Variants in IL31RA observed in about 807,000 individuals in gnomAD.
IL31RA encodes interleukin-31 receptor subunit alpha.
Under a neutral mutation model 83.7 loss-of-function variants are expected in IL31RA, and 66 were observed. That is an observed-to-expected ratio of 0.79 (90% CI 0.65 to 0.97). IL31RA has a LOEUF of 0.97. Ranked by LOEUF, IL31RA falls within the 50% of genes least tolerant of loss-of-function variation. IL31RA has a pLI of 0.00. For missense variants in IL31RA, 798 were observed against 919.4 expected (o/e 0.87, Z 1.71); for synonymous variants, 325 against 329.0 (o/e 0.99, Z 0.13).
In IL31RA at chr5:55,851,464, T is replaced by A; in HGVS notation, c.-107T>A. On this transcript the variant is annotated 5_prime_UTR_variant, in exon 1 of 15. Coordinates refer to ENST00000652347, the MANE Select transcript of IL31RA (RefSeq NM_139017.7). ...AAAGGCAAAAAATTGCAAAAAAAAA[T>A]AGTAATAACCAGCATGGCACTAAAT... The A allele has an allele frequency of 6.2e-7, 1 of 1,601,748 alleles. No individual in the cohort carries two copies. Among genetic ancestry groups the A allele is most frequent in the South Asian group, 1.1e-5 (1 of 90,202 alleles).
intron 2 of IL31RA, 30 bp downstream of exon 2, chr5:55,859,629 A>G (rs1285050522): frequency 2.8e-6 from 4 of 1,417,882 alleles, no homozygotes; most frequent in Non-Finnish European, 2.0e-6. Context: ...TTTACAGATC[A>G]TGTGATTATT....
chr5:55,863,566 T>G (rs566423432), intron 2 of IL31RA, among the ~76,000 whole-genome samples: 1 of 152,232 alleles, frequency 6.6e-6, no homozygotes, highest in Non-Finnish European at 1.5e-5. Flanking sequence ...GCAAATCCCA[T>G]GGCCACCCTA....
At position 55,917,200 on chromosome 5, in the gene IL31RA, C is replaced by A; in HGVS notation, c.*80C>A. 1 of 1,605,234 alleles carries A rather than the reference C, an allele frequency of 6.2e-7. No homozygotes were observed. Among genetic ancestry groups the A allele is most frequent in the African/African-American group, 1.3e-5 (1 of 74,966 alleles). ...GAAGATGTCAAGACTCGGCACGCAG[C>A]GCTTGCTTGGCCCTGCCACATCCTG... On this transcript the variant is annotated 3_prime_UTR_variant, in exon 15 of 15. Coordinates refer to ENST00000652347, the MANE Select transcript of IL31RA (RefSeq NM_139017.7).
intron 4 of IL31RA, among the ~76,000 whole-genome samples, chr5:55,881,289 A>G (rs1036910901): frequency 6.7e-4 from 94 of 141,018 alleles, no homozygotes; most frequent in African/African-American, 2.5e-3. Context: ...GTGACAGAGC[A>G]AGGCTCCATC....
At chr5:55,874,902 T>C (rs1746742234) in intron 4 of IL31RA, among the ~76,000 whole-genome samples, 1 of 152,156 alleles carries the variant, frequency 6.6e-6, no homozygotes, top group Non-Finnish European at 1.5e-5. Flanking sequence ...TTTAGTATAG[T>C]GTTGAATAGA....
At chr5:55,874,634 A>G (rs1436041537) in intron 4 of IL31RA, among the ~76,000 whole-genome samples, 1 of 152,092 alleles carries the variant, frequency 6.6e-6, no homozygotes, top group Non-Finnish European at 1.5e-5. Flanking sequence ...TTTAAATGCT[A>G]TTGTAAATGG....
intron 4 of IL31RA, among the ~76,000 whole-genome samples, chr5:55,873,993 T>C (rs936051036): frequency 8.5e-5 from 13 of 152,212 alleles, no homozygotes; most frequent in South Asian, 2.1e-4. Context: ...ACTGCTGTAG[T>C]TTTTTCTAAG....
At chr5:55,906,369 C>T (rs1020319423) in intron 9 of IL31RA, 81 bp downstream of exon 9, 2 of 1,341,534 alleles carry the variant, frequency 1.5e-6, no homozygotes, top group Non-Finnish European at 2.1e-6. Flanking sequence ...TTAACTTTGG[C>T]TTCAAAGCTG....
chr5:55,902,403 C>T (rs181354887), intron 8 of IL31RA: 5 of 147,294 alleles, frequency 3.4e-5, no homozygotes, highest in Admixed American at 1.4e-4. Context: ...ACGGGTGGAT[C>T]GCTGAGTTCA....
intron 2 of IL31RA, among the ~76,000 whole-genome samples, chr5:55,868,419 T>G (rs1746317679): frequency 6.6e-6 from 1 of 152,252 alleles, no homozygotes; most frequent in South Asian, 2.1e-4. Context: ...TTCTTGCTTA[T>G]GCCCACATCA....
chr5:55,855,652 G>A (rs1745314830), intron 1 of IL31RA, among the ~76,000 whole-genome samples: 3 of 152,192 alleles, frequency 2.0e-5, no homozygotes, highest in Admixed American at 6.5e-5. Flanking sequence ...GAGTAAAACA[G>A]CCACACTCTA....
At chr5:55,882,965 T>G in intron 4 of IL31RA, 79 bp from the exon 5 acceptor site, 4 of 1,359,878 alleles carry the variant, frequency 2.9e-6, no homozygotes, top group Non-Finnish European at 4.2e-6. Flanking sequence ...CGTATCATTT[T>G]TTTTCAATTT....
In IL31RA at chr5:55,910,567, C is replaced by T; in HGVS notation, c.1537C>T (p.Leu513=). 1 of 1,614,184 alleles carries T rather than the reference C, an allele frequency of 6.2e-7. No homozygotes were observed. Residue 513 remains leucine (L), a synonymous_variant, in exon 12 of 15, where the codon CTG becomes TTG. Coordinates refer to ENST00000652347, the MANE Select transcript of IL31RA (RefSeq NM_139017.7). ...CAATTCCAGCATCTTGCAGTACGGC[C>T]TGGAGTCCCTGAAACGAAAGACCTC... is the stretch of plus-strand genomic sequence containing the variant. The part of the protein sequence containing the change: ...TVNSSILQYG[L]ESLKRKTSYI...
the IL31RA span, among the ~76,000 whole-genome samples, chr5:55,846,022 C>A: frequency 1.3e-5 from 2 of 152,104 alleles, no homozygotes; most frequent in African/African-American, 4.8e-5. Flanking sequence ...TATACTTGTC[C>A]ACACTGAGCC....
chr5:55,857,152 G>A (rs187790150), intron 1 of IL31RA, among the ~76,000 whole-genome samples: 2 of 151,190 alleles, frequency 1.3e-5, no homozygotes, highest in East Asian at 3.9e-4. Flanking sequence ...AGGCTGAAGT[G>A]CAGTCATGAG....
At chr5:55,911,397 A>C (rs1749492957) in intron 12 of IL31RA, among the ~76,000 whole-genome samples, 1 of 152,106 alleles carries the variant, frequency 6.6e-6, no homozygotes. Flanking sequence ...ACACAGCCAA[A>C]CCATATCACT....
At chr5:55,869,134 G>A (rs964415660) in intron 3 of IL31RA, among the ~76,000 whole-genome samples, 13 of 152,216 alleles carry the variant, frequency 8.5e-5, no homozygotes, top group Non-Finnish European at 1.3e-4. Context: ...GCTGAGATGA[G>A]TCACCAGTTA....
At chr5:55,890,189 G>A in intron 6 of IL31RA, 54 bp downstream of exon 6, 2 of 1,580,994 alleles carry the variant, frequency 1.3e-6, no homozygotes, top group Non-Finnish European at 1.7e-6. Context: ...GGGCTGCTTT[G>A]GGCTAGACTT....
At chr5:55,861,861 G>C (rs1745710821) in intron 2 of IL31RA, among the ~76,000 whole-genome samples, 1 of 151,980 alleles carries the variant, frequency 6.6e-6, no homozygotes, top group Non-Finnish European at 1.5e-5. Flanking sequence ...CCTTCCCTTG[G>C]TCCTGCTCAG....
Sources: allele counts gnomAD v4.1 joint callset (sites outside exome capture counted in the v4.1 genomes callset), GRCh38; gene constraint gnomAD v4.1.1; transcripts MANE v1.5; gene names NCBI Gene and HGNC (gene_info 2026-07-23, HGNC 2026-07-21).